The following GRAP2 variants were observed in gnomAD, a reference collection of about 807,000 sequenced individuals.
The protein encoded by GRAP2 is GRB2-related adapter protein 2.
GRAP2 carries 31 observed loss-of-function variants against 43.5 expected under a neutral mutation model. The ratio of observed to expected loss-of-function variants is 0.71; its 90% CI spans 0.54 to 0.96. The LOEUF is 0.96. GRAP2 is among the 40% of genes least tolerant of loss of function. GRAP2 has a pLI of 0.00. For synonymous variants in GRAP2, 156 were observed against 164.8 expected, an observed-to-expected ratio of 0.95 and a Z score of 0.41; for missense variants, 371 against 424.4, an observed-to-expected ratio of 0.87 and a Z score of 1.11.
intron 4 of GRAP2, 40 bp downstream of exon 4, chr22:39,960,214 C>A: frequency 6.3e-7 from 1 of 1,592,430 alleles, no homozygotes; most frequent in Non-Finnish European, 8.6e-7. Flanking sequence ...CCTTCTCGGC[C>A]TGTTAACCTC....
intron 1 of GRAP2, among the ~76,000 whole-genome samples, chr22:39,944,939 A>G (rs561969259): frequency 8.5e-5 from 13 of 152,180 alleles, no homozygotes; most frequent in Non-Finnish European, 1.6e-4. Flanking sequence ...TTCACCTGAC[A>G]CTTGATCCCA....
chr22:39,928,043 G>A (rs1052279822), intron 1 of GRAP2, among the ~76,000 whole-genome samples: 6 of 152,222 alleles, frequency 3.9e-5, no homozygotes, highest in African/African-American at 1.4e-4. Flanking sequence ...GACCACCCAT[G>A]TTCCTGCCTC....
rs556770569 is a variant in GRAP2, at chr22:39,925,658, T to A, written c.-14-21435T>A. ...GGCCAGTCCAAATTCTGCTTTGAGG[T>A]GTGCGTGTGCCAATTGTGGTGCAAT... On this transcript the variant is annotated intron_variant, in intron 1 of 7. Coordinates refer to ENST00000344138, the MANE Select transcript of GRAP2 (RefSeq NM_004810.4). 4.6e-5 allele frequency among the ~76,000 whole-genome samples: 7 copies of A among 152,332 alleles called. 1 individual carries two copies. Among genetic ancestry groups the A allele is most frequent in the Admixed American group, 4.6e-4 (7 of 15,308 alleles).
chr22:39,963,501 A>G (rs1021633542), intron 4 of GRAP2, among the ~76,000 whole-genome samples: 3 of 152,206 alleles, frequency 2.0e-5, no homozygotes, highest in Admixed American at 6.5e-5. Context: ...GAGTTGATCC[A>G]TGTTGTCTTA....
chr22:39,928,753 G>A (rs2066729037), intron 1 of GRAP2, among the ~76,000 whole-genome samples: 1 of 152,206 alleles, frequency 6.6e-6, no homozygotes, highest in Admixed American at 6.5e-5. Context: ...TTGTACAGTA[G>A]TGCAGGCTTG....
intron 4 of GRAP2, among the ~76,000 whole-genome samples, chr22:39,961,719 T>C (rs1716988206): frequency 6.6e-6 from 1 of 152,244 alleles, no homozygotes; most frequent in South Asian, 2.1e-4. Context: ...AATATAATGC[T>C]GTTAGCAGAT....
At chr22:39,927,011 T>C (rs1297762254) in intron 1 of GRAP2, among the ~76,000 whole-genome samples, 1 of 152,210 alleles carries the variant, frequency 6.6e-6, no homozygotes, top group African/African-American at 2.4e-5. Context: ...TGAGGTGGAA[T>C]GCACAGTTGA....
chr22:39,963,744 G>T (rs181180724), intron 4 of GRAP2, among the ~76,000 whole-genome samples: 1 of 152,286 alleles, frequency 6.6e-6, no homozygotes, highest in African/African-American at 2.4e-5. Flanking sequence ...ATGGTCAGGC[G>T]CAGTGGCTCA....
intron 1 of GRAP2, among the ~76,000 whole-genome samples, chr22:39,923,968 T>C (rs1048312852): frequency 6.6e-6 from 1 of 152,116 alleles, no homozygotes; most frequent in Non-Finnish European, 1.5e-5. Context: ...TTATGAAAAA[T>C]CCCACGTGCT....
rs539974338 is a variant in GRAP2, at chr22:39,954,405, A to T, written c.79-1414A>T. On this transcript the variant is annotated intron_variant, in intron 2 of 7. Transcript: ENST00000344138. ...AGTCTATATCAAAGACTTAAAAAAAATTTTTTTTTTGAGAGAGGCTTGCTC... is the reference window on the plus strand; with the variant it reads ...AGTCTATATCAAAGACTTAAAAAAATTTTTTTTTTTGAGAGAGGCTTGCTC... Among the ~76,000 whole-genome samples the T allele has an allele frequency of 4.1e-4, 62 of 150,486 alleles. 1 individual carries two copies. Among genetic ancestry groups the T allele is most frequent in the East Asian group, 1.6e-3 (8 of 5,134 alleles).
At chr22:39,970,516 T>C (rs2067228701) in intron 7 of GRAP2, among the ~76,000 whole-genome samples, 1 of 152,210 alleles carries the variant, frequency 6.6e-6, no homozygotes, top group Non-Finnish European at 1.5e-5. Context: ...AGGGAGTCTA[T>C]TGGGGCTTTG....
intron 3 of GRAP2, among the ~76,000 whole-genome samples, chr22:39,958,247 TC>T (rs1009117414): frequency 2.6e-5 from 4 of 152,064 alleles, no homozygotes; most frequent in Non-Finnish European, 5.9e-5. Flanking sequence ...TTCCTCCCAC[TC>T]CCCAGTCCCC....
intron 1 of GRAP2, among the ~76,000 whole-genome samples, chr22:39,928,711 G>A (rs533591517): frequency 5.1e-4 from 77 of 152,278 alleles, no homozygotes; most frequent in Non-Finnish European, 9.3e-4. Context: ...GTCATAAACC[G>A]AACATGAGTT....
chr22:39,939,930 A>T (rs1374275871), intron 1 of GRAP2, among the ~76,000 whole-genome samples: 1 of 152,012 alleles, frequency 6.6e-6, no homozygotes, highest in African/African-American at 2.4e-5. Flanking sequence ...AAAGCAGAGG[A>T]CCCTGATGGC....
At chr22:39,945,614 T>C (rs1365153381) in intron 1 of GRAP2, among the ~76,000 whole-genome samples, 1 of 152,140 alleles carries the variant, frequency 6.6e-6, no homozygotes, top group Non-Finnish European at 1.5e-5. Context: ...AACAAGAAAA[T>C]AACAGCTTTC....
At chr22:39,920,533 T>C (rs2066640618) in intron 1 of GRAP2, among the ~76,000 whole-genome samples, 3 of 152,184 alleles carry the variant, frequency 2.0e-5, no homozygotes, top group Admixed American at 1.3e-4. Context: ...GCCCCCTCTC[T>C]GCTGCCCATC....
chr22:39,896,326 G>A (rs941192097), upstream of GRAP2, among the ~76,000 whole-genome samples: 6 of 152,214 alleles, frequency 3.9e-5, no homozygotes, highest in East Asian at 1.9e-4. Flanking sequence ...AAGTGTAGCA[G>A]TTATGGGATC....
At chr22:39,968,395 T>A (rs1569218443) in intron 6 of GRAP2, 123 bp downstream of exon 6, 7 of 1,084,586 alleles carry the variant, frequency 6.5e-6, no homozygotes, top group Non-Finnish European at 5.3e-6. Flanking sequence ...CCCCCCCAAA[T>A]GGCAGAAATA....
chr22:39,965,017 A>T (rs575105121), intron 4 of GRAP2, among the ~76,000 whole-genome samples: 2 of 152,320 alleles, frequency 1.3e-5, no homozygotes, highest in Non-Finnish European at 2.9e-5. Flanking sequence ...AAGCCCCTGC[A>T]CCTCTGTGAG....
Sources: allele counts gnomAD v4.1 joint callset (sites outside exome capture counted in the v4.1 genomes callset), GRCh38; gene constraint gnomAD v4.1.1; transcripts MANE v1.5; gene names NCBI Gene and HGNC (gene_info 2026-07-23, HGNC 2026-07-21).